The following STX18 variants were observed in gnomAD, a reference collection of about 807,000 sequenced individuals.
STX18 encodes the protein syntaxin 18.
STX18 carries 40 observed loss-of-function variants against 50.1 expected under a neutral mutation model. That is an observed-to-expected ratio of 0.80 (90% CI 0.62 to 1.04). The LOEUF is 1.04. Ranked by LOEUF, STX18 falls within the 50% of genes least tolerant of loss-of-function variation. The pLI is 0.00. For synonymous variants in STX18, 158 were observed against 151.8 expected (o/e 1.04, Z -0.30); for missense variants, 410 against 415.8 (o/e 0.99, Z 0.12).
chr4:4,484,892 A>G (rs1397837271), intron 1 of STX18, among the ~76,000 whole-genome samples: 3 of 152,250 alleles, frequency 2.0e-5, no homozygotes, highest in Non-Finnish European at 2.9e-5. Context: ...AGCATGGGCC[A>G]GGCACATTAA....
At chr4:4,478,009 G>A (rs1728273739) in intron 1 of STX18, 1 of 152,020 alleles carries the variant, frequency 6.6e-6, no homozygotes, top group South Asian at 2.1e-4. Flanking sequence ...TAGTAAACAT[G>A]GAAACAAACC....
intron 8 of STX18, 133 bp downstream of exon 8, chr4:4,425,031 C>A: frequency 1.3e-6 from 1 of 790,042 alleles, no homozygotes; most frequent in South Asian, 1.6e-5. Flanking sequence ...CCAGCCCAGT[C>A]AAAATGGCTG....
In STX18 at chr4:4,421,189, C is replaced by G. The variant is rs866050180; in HGVS notation, c.832-245G>C. Among the ~76,000 whole-genome samples, 8 of 152,266 alleles carry G rather than the reference C, an allele frequency of 5.3e-5. 1 individual carries two copies. In the Middle Eastern group the frequency reaches 0.02, roughly 388 times the overall value. Reference sequence around the variant, plus strand: ...CACCAAGGGCTAACGGCTTTACTTGCATAGCCACAAATCCTCACAGCACCC... The same window carrying G: ...CACCAAGGGCTAACGGCTTTACTTGGATAGCCACAAATCCTCACAGCACCC... On this transcript the variant is annotated intron_variant, in intron 9 of 10. Transcript: ENST00000306200.
intron 1 of STX18, among the ~76,000 whole-genome samples, chr4:4,537,283 G>A (rs2108932547): frequency 6.6e-6 from 1 of 152,316 alleles, no homozygotes; most frequent in Non-Finnish European, 1.5e-5. Context: ...CAGGCAAGGT[G>A]AAGGCACATC....
chr4:4,531,644 G>A (rs1325072985), intron 1 of STX18, among the ~76,000 whole-genome samples: 2 of 152,184 alleles, frequency 1.3e-5, no homozygotes, highest in African/African-American at 4.8e-5. Flanking sequence ...CCAGGCTCAT[G>A]TTCACCATCC....
chr4:4,425,030 T>G, intron 8 of STX18, 134 bp downstream of exon 8: 2 of 781,268 alleles, frequency 2.6e-6, no homozygotes, highest in Non-Finnish European at 4.3e-6. Context: ...CCCAGCCCAG[T>G]CAAAATGGCT....
chr4:4,526,479 C>T (rs1012800717), intron 1 of STX18, among the ~76,000 whole-genome samples: 2 of 152,030 alleles, frequency 1.3e-5, no homozygotes, highest in African/African-American at 2.4e-5. Flanking sequence ...CTGGTGAGTT[C>T]GAATTCCTAA....
intron 1 of STX18, among the ~76,000 whole-genome samples, chr4:4,501,430 T>C (rs1484256915): frequency 6.6e-6 from 1 of 152,194 alleles, no homozygotes; most frequent in Non-Finnish European, 1.5e-5. Context: ...GTAAACAACA[T>C]GATTATTCTA....
intron 5 of STX18, among the ~76,000 whole-genome samples, chr4:4,455,194 G>A (rs986762413): frequency 6.6e-6 from 1 of 152,110 alleles, no homozygotes; most frequent in African/African-American, 2.4e-5. Flanking sequence ...GCTTACTACC[G>A]ATTTCACTAA....
chr4:4,521,256 C>A (rs1007809454), intron 1 of STX18, among the ~76,000 whole-genome samples: 22 of 152,160 alleles, frequency 1.4e-4, no homozygotes, highest in Admixed American at 5.2e-4. Flanking sequence ...GGGTACAGGC[C>A]GATCTGCATG....
Position 4,459,385 on chromosome 4 carries a change from T to C in STX18, c.339A>G (p.Gln113=). The C allele has an allele frequency of 6.2e-7, 1 of 1,613,758 alleles. No individual in the cohort carries two copies. Among genetic ancestry groups the C allele is most frequent in the Admixed American group, 1.7e-5 (1 of 60,014 alleles). Reference sequence around the variant, plus strand: ...AGAGCACTTTACCTTCTGTTCGTAGTTGCTGAATTGCTTCTGAACAGGTCC... The same window carrying C: ...AGAGCACTTTACCTTCTGTTCGTAGCTGCTGAATTGCTTCTGAACAGGTCC... The part of the protein sequence containing the change: ...FMRTCSEAIQ[Q]LRTEAHKEIH... Residue 113 remains glutamine (Q), a synonymous_variant, in exon 3 of 11, where the codon CAA becomes CAG. Coordinates refer to ENST00000306200, the MANE Select transcript of STX18 (RefSeq NM_016930.4).
At chr4:4,447,673 T>C (rs577508910) in intron 5 of STX18, among the ~76,000 whole-genome samples, 9 of 149,038 alleles carry the variant, frequency 6.0e-5, no homozygotes, top group African/African-American at 2.2e-4. Context: ...GTTACTGCTT[T>C]ATATGTAAGT....
At chr4:4,449,296 C>T (rs914873161) in intron 5 of STX18, among the ~76,000 whole-genome samples, 1 of 151,722 alleles carries the variant, frequency 6.6e-6, no homozygotes, top group Non-Finnish European at 1.5e-5. Context: ...ATCCTCCCTC[C>T]CACCTCGGCC....
chr4:4,541,952 T>G lies in STX18; in HGVS notation c.13A>C (p.Ile5Leu), dbSNP rs751474159. ...ACGCTGGCCCGGAATAGCAGCGTGATGTCCACCGCCATAGCGACCCGCACC... is the reference window on the plus strand; with the variant it reads ...ACGCTGGCCCGGAATAGCAGCGTGAGGTCCACCGCCATAGCGACCCGCACC... MAVD[I>L]TLLFRASVKT... is the part of the protein sequence containing the mutation. The change falls in exon 1 of 11, where the codon ATC becomes CTC. Residue 5 changes from isoleucine (I) to leucine (L), a missense_variant. Physicochemically the swap from Ile to Leu is conservative, Grantham distance 5. Transcript: ENST00000306200. The G allele has an allele frequency of 1.9e-6, 3 of 1,604,984 alleles. No homozygotes were observed. The highest frequency in any genetic ancestry group is 2.7e-5 in the African/African-American group (2 of 74,644).
At chr4:4,446,316 A>C (rs750329263) in intron 5 of STX18, among the ~76,000 whole-genome samples, 12 of 152,230 alleles carry the variant, frequency 7.9e-5, no homozygotes, top group Non-Finnish European at 1.6e-4. Flanking sequence ...AAAATTAATA[A>C]AATTCAACTT....
intron 5 of STX18, among the ~76,000 whole-genome samples, chr4:4,439,314 A>C (rs888876706): frequency 6.6e-6 from 1 of 150,420 alleles, no homozygotes; most frequent in Non-Finnish European, 1.5e-5. Context: ...CCACACATAT[A>C]CACATACCAT....
At chr4:4,449,188 A>G (rs995236805) in intron 5 of STX18, among the ~76,000 whole-genome samples, 174 of 152,050 alleles carry the variant, frequency 1.1e-3, no homozygotes, top group African/African-American at 3.8e-3. Context: ...CTGGGACTAC[A>G]GGTGCATGTC....
At chr4:4,491,949 T>C (rs904714597) in intron 1 of STX18, among the ~76,000 whole-genome samples, 20 of 152,164 alleles carry the variant, frequency 1.3e-4, no homozygotes, top group Non-Finnish European at 1.9e-4. Context: ...TACCCAGCCA[T>C]GAATCTCAGT....
chr4:4,483,397 T>C (rs1728550578), intron 1 of STX18, among the ~76,000 whole-genome samples: 1 of 152,178 alleles, frequency 6.6e-6, no homozygotes, highest in African/African-American at 2.4e-5. Context: ...TCTAGGACTC[T>C]TACACCCATA....
Sources: allele counts gnomAD v4.1 joint callset (sites outside exome capture counted in the v4.1 genomes callset), GRCh38; gene constraint gnomAD v4.1.1; transcripts MANE v1.5; gene names NCBI Gene and HGNC (gene_info 2026-07-23, HGNC 2026-07-21).